The following GALNT17 variants were observed in gnomAD, a reference collection of about 807,000 sequenced individuals.
GALNT17 encodes polypeptide N-acetylgalactosaminyltransferase 17.
A neutral mutation model predicts 63.7 loss-of-function variants in GALNT17; 29 were observed. The ratio of observed to expected loss-of-function variants is 0.46; its 90% CI spans 0.34 to 0.62. GALNT17 has a LOEUF of 0.62. Among genes scored for constraint, GALNT17 ranks in the 20% least tolerant of loss-of-function variants. The probability of loss-of-function intolerance (pLI) is 0.01; values close to 1 mark genes in which losing one functional copy is unlikely to be tolerated. For missense variants in GALNT17, 603 were observed against 799.6 expected (o/e 0.75, Z 2.97); for synonymous variants, 305 against 318.3 (o/e 0.96, Z 0.45).
intron 1 of GALNT17, among the ~76,000 whole-genome samples, chr7:71,263,183 C>T (rs1000654534): frequency 2.6e-5 from 4 of 151,874 alleles, no homozygotes; most frequent in Non-Finnish European, 5.9e-5. Flanking sequence ...CATGGTGAAA[C>T]CCTGTCTCTA....
chr7:71,164,845 T>C (rs1788408878), intron 1 of GALNT17, among the ~76,000 whole-genome samples: 1 of 152,248 alleles, frequency 6.6e-6, no homozygotes, highest in Non-Finnish European at 1.5e-5. Context: ...TTAAATATTG[T>C]ATAGCTCATT....
intron 5 of GALNT17, among the ~76,000 whole-genome samples, chr7:71,481,278 C>G (rs1278619222): frequency 6.6e-6 from 1 of 152,094 alleles, no homozygotes; most frequent in Non-Finnish European, 1.5e-5. Flanking sequence ...GAAACCTCAT[C>G]TCTAGTCAAA....
At chr7:71,471,434 T>C (rs1162755128) in intron 5 of GALNT17, among the ~76,000 whole-genome samples, 1 of 147,896 alleles carries the variant, frequency 6.8e-6, no homozygotes, top group African/African-American at 2.5e-5. Context: ...CCAAAAACCA[T>C]ATTTGGCTCT....
At chr7:71,517,018 C>G (rs1214653994) in intron 5 of GALNT17, among the ~76,000 whole-genome samples, 1 of 152,208 alleles carries the variant, frequency 6.6e-6, no homozygotes, top group Non-Finnish European at 1.5e-5. Flanking sequence ...CGCCATTGCT[C>G]AGAGCTTGAA....
chr7:71,203,055 AC>A, intron 1 of GALNT17, among the ~76,000 whole-genome samples: 1 of 152,270 alleles, frequency 6.6e-6, no homozygotes, highest in East Asian at 1.9e-4. Flanking sequence ...CCATTGATGG[AC>A]ACTTAGGTTG....
At chr7:71,184,236 G>C (rs1410581593) in intron 1 of GALNT17, among the ~76,000 whole-genome samples, 1 of 152,112 alleles carries the variant, frequency 6.6e-6, no homozygotes, top group Non-Finnish European at 1.5e-5. Flanking sequence ...CCAGGACTGT[G>C]AGAAGATACA....
At chr7:71,327,864 G>T (rs1007584025) in intron 1 of GALNT17, among the ~76,000 whole-genome samples, 2 of 152,202 alleles carry the variant, frequency 1.3e-5, no homozygotes, top group Non-Finnish European at 2.9e-5. Flanking sequence ...GATTATAGAA[G>T]ATTTAGTACC....
intron 1 of GALNT17, among the ~76,000 whole-genome samples, chr7:71,224,621 T>C (rs1166508941): frequency 1.3e-5 from 2 of 152,110 alleles, no homozygotes; most frequent in African/African-American, 4.8e-5. Context: ...GAGAACACCT[T>C]TTCTAGGGCT....
intron 6 of GALNT17, among the ~76,000 whole-genome samples, chr7:71,590,460 A>G (rs1789781280): frequency 6.6e-6 from 1 of 152,224 alleles, no homozygotes; most frequent in South Asian, 2.1e-4. Context: ...CCTTGGGAAT[A>G]AAGCAATAAT....
At chr7:71,453,259 C>T (rs1314548146) in intron 5 of GALNT17, among the ~76,000 whole-genome samples, 6 of 152,220 alleles carry the variant, frequency 3.9e-5, no homozygotes, top group Non-Finnish European at 7.4e-5. Flanking sequence ...AGCATTATAA[C>T]CCAGTTCACC....
intron 2 of GALNT17, among the ~76,000 whole-genome samples, chr7:71,366,436 C>G (rs753366176): frequency 4.6e-5 from 7 of 152,100 alleles, no homozygotes; most frequent in Non-Finnish European, 1.0e-4. Flanking sequence ...CAAAAATTAG[C>G]TAGGCATGGT....
chr7:71,494,059 G>T (rs1788054266), intron 5 of GALNT17, among the ~76,000 whole-genome samples: 2 of 152,074 alleles, frequency 1.3e-5, no homozygotes, highest in African/African-American at 4.8e-5. Flanking sequence ...AAGGAAAGAG[G>T]TTTAATTGAC....
intron 1 of GALNT17, among the ~76,000 whole-genome samples, chr7:71,243,475 GT>G (rs1299703076): frequency 6.6e-6 from 1 of 152,138 alleles, no homozygotes; most frequent in Non-Finnish European, 1.5e-5. Context: ...TGTATAACAT[GT>G]TGGGCGACCT....
intron 1 of GALNT17, among the ~76,000 whole-genome samples, chr7:71,234,263 A>G (rs977546720): frequency 6.6e-6 from 1 of 151,994 alleles, no homozygotes; most frequent in African/African-American, 2.4e-5. Context: ...TAATTTTATA[A>G]GTTTATTTAT....
intron 6 of GALNT17, among the ~76,000 whole-genome samples, chr7:71,635,210 A>AC (rs1422931113): frequency 1.3e-5 from 2 of 151,516 alleles, no homozygotes; most frequent in Non-Finnish European, 2.9e-5. Flanking sequence ...CCGTCTCAAA[A>AC]AAAAAAAAAA....
intron 5 of GALNT17, among the ~76,000 whole-genome samples, chr7:71,512,276 G>A (rs1474103916): frequency 1.3e-5 from 2 of 152,070 alleles, no homozygotes; most frequent in East Asian, 1.9e-4. Context: ...AAAGTGCTGG[G>A]ATTATAAGTA....
At chr7:71,234,181 C>T (rs1042266657) in intron 1 of GALNT17, among the ~76,000 whole-genome samples, 1 of 152,192 alleles carries the variant, frequency 6.6e-6, no homozygotes, top group African/African-American at 2.4e-5. Flanking sequence ...AGGCTACAAT[C>T]GGAGAGCTAT....
intron 5 of GALNT17, among the ~76,000 whole-genome samples, chr7:71,438,153 A>G (rs886070305): frequency 2.0e-5 from 3 of 152,206 alleles, no homozygotes; most frequent in African/African-American, 7.2e-5. Flanking sequence ...GTATGTATGT[A>G]TGTATATGGG....
At chr7:71,190,389 C>T (rs1379132504) in intron 1 of GALNT17, among the ~76,000 whole-genome samples, 2 of 151,982 alleles carry the variant, frequency 1.3e-5, no homozygotes, top group Non-Finnish European at 2.9e-5. Flanking sequence ...ATGGCACCTC[C>T]CCCACTGTCT....
Sources: gnomAD v4.1 joint callset for allele counts (sites outside exome capture counted in the v4.1 genomes callset) on GRCh38, gnomAD v4.1.1 for gene constraint, MANE v1.5 for transcripts, NCBI Gene and HGNC (gene_info 2026-07-23, HGNC 2026-07-21) for gene names.